Variants in FNDC3A observed in about 807,000 individuals in gnomAD.
The protein encoded by FNDC3A is fibronectin type-III domain-containing protein 3A.
In FNDC3A, 32 loss-of-function variants were observed where a neutral mutation model predicts 148.9. The observed-to-expected ratio is 0.21, with a 90% confidence interval of 0.16 to 0.29. The LOEUF is 0.29. FNDC3A is among the 10% of genes least tolerant of loss of function. The probability of loss-of-function intolerance (pLI) is 1.00; values close to 1 mark genes in which losing one functional copy is unlikely to be tolerated. For synonymous variants in FNDC3A, 472 were observed against 473.6 expected (o/e 1.00, Z 0.04); for missense variants, 1,191 against 1,452.8 (o/e 0.82, Z 2.93).
chr13:49,150,484 G>T (rs147315213), intron 8 of FNDC3A, among the ~76,000 whole-genome samples: 1,789 of 151,972 alleles, frequency 0.012, 17 homozygotes, highest in Non-Finnish European at 0.019. Context: ...TTTGTTCCAA[G>T]AATTTTTTTT....
At chr13:49,049,013 A>G (rs1376515860) in intron 2 of FNDC3A, among the ~76,000 whole-genome samples, 1 of 152,054 alleles carries the variant, frequency 6.6e-6, no homozygotes. Flanking sequence ...TTGCTGTCTT[A>G]ATCATAAAGG....
At chr13:49,109,163 A>C (rs1009594299) in intron 3 of FNDC3A, among the ~76,000 whole-genome samples, 1 of 152,238 alleles carries the variant, frequency 6.6e-6, no homozygotes, top group Non-Finnish European at 1.5e-5. Context: ...AAAACACTCC[A>C]AATGATGCCT....
At chr13:49,130,856 C>T (rs971368177) in intron 4 of FNDC3A, among the ~76,000 whole-genome samples, 1 of 152,142 alleles carries the variant, frequency 6.6e-6, no homozygotes, top group Non-Finnish European at 1.5e-5. Flanking sequence ...GCAACCTCCA[C>T]CTCCCAGGTT....
At chr13:49,161,749 T>G (rs529834142) in intron 8 of FNDC3A, among the ~76,000 whole-genome samples, 1 of 152,328 alleles carries the variant, frequency 6.6e-6, no homozygotes, top group South Asian at 2.1e-4. Context: ...GTACTGATGG[T>G]TCCTTTCCAT....
At chr13:48,984,401 G>T (rs1045569388) in intron 1 of FNDC3A, among the ~76,000 whole-genome samples, 1 of 152,062 alleles carries the variant, frequency 6.6e-6, no homozygotes, top group Non-Finnish European at 1.5e-5. Context: ...TAATAAATGG[G>T]ACCCATCAAA....
intron 8 of FNDC3A, among the ~76,000 whole-genome samples, chr13:49,159,272 T>G (rs1883932151): frequency 6.6e-6 from 1 of 152,254 alleles, no homozygotes; most frequent in Non-Finnish European, 1.5e-5. Flanking sequence ...TTCTTCCATT[T>G]GTTTGTGTCC....
intron 8 of FNDC3A, among the ~76,000 whole-genome samples, chr13:49,165,359 G>T (rs901611847): frequency 2.6e-5 from 4 of 152,194 alleles, no homozygotes; most frequent in African/African-American, 9.7e-5. Context: ...CATCTATTGT[G>T]TTGGTTGGGT....
intron 3 of FNDC3A, among the ~76,000 whole-genome samples, chr13:49,077,548 T>C (rs917772869): frequency 2.0e-5 from 3 of 152,194 alleles, no homozygotes; most frequent in Non-Finnish European, 2.9e-5. Flanking sequence ...TTAAACCTTA[T>C]ATATCTGAGA....
intron 7 of FNDC3A, among the ~76,000 whole-genome samples, chr13:49,141,080 G>A (rs1882665679): frequency 6.6e-6 from 1 of 152,120 alleles, no homozygotes; most frequent in South Asian, 2.1e-4. Flanking sequence ...AGTGTATAGG[G>A]GAGAATGTGG....
chr13:49,040,628 T>TA (rs1488077723), intron 2 of FNDC3A, among the ~76,000 whole-genome samples: 2 of 152,236 alleles, frequency 1.3e-5, no homozygotes, highest in East Asian at 1.9e-4. Context: ...AGTGCAAACT[T>TA]AAGAGTATGG....
At chr13:48,977,543 C>T (rs1343128186) in intron 1 of FNDC3A, among the ~76,000 whole-genome samples, 1 of 152,162 alleles carries the variant, frequency 6.6e-6, no homozygotes, top group African/African-American at 2.4e-5. Context: ...GTTGAATCCC[C>T]TGTCTTTTGG....
intron 3 of FNDC3A, among the ~76,000 whole-genome samples, chr13:49,086,324 T>C (rs1436301514): frequency 6.6e-6 from 1 of 152,206 alleles, no homozygotes; most frequent in African/African-American, 2.4e-5. Flanking sequence ...GCTATTAATT[T>C]ATAGCCGTAG....
chr13:49,109,468 A>G (rs1412554763), intron 3 of FNDC3A, among the ~76,000 whole-genome samples: 1 of 152,200 alleles, frequency 6.6e-6, no homozygotes, highest in Non-Finnish European at 1.5e-5. Flanking sequence ...AACCACTGTC[A>G]TTATCATTAC....
intron 14 of FNDC3A, among the ~76,000 whole-genome samples, chr13:49,182,085 G>GGAA (rs1262324787): frequency 6.6e-6 from 1 of 152,136 alleles, no homozygotes; most frequent in Non-Finnish European, 1.5e-5. Context: ...GAGCTCAAGG[G>GGAA]TTCCTTCCAC....
chr13:49,020,341 A>T (rs1451086360), intron 2 of FNDC3A, among the ~76,000 whole-genome samples: 1 of 152,222 alleles, frequency 6.6e-6, no homozygotes, highest in Non-Finnish European at 1.5e-5. Flanking sequence ...CAAAACTAAG[A>T]GAGGGGATAA....
intron 3 of FNDC3A, among the ~76,000 whole-genome samples, chr13:49,113,149 A>C (rs1880687163): frequency 1.6e-5 from 2 of 126,280 alleles, no homozygotes; most frequent in Admixed American, 9.4e-5. Flanking sequence ...TCTTCTCTTC[A>C]CTCTCCTTTA....
intron 2 of FNDC3A, among the ~76,000 whole-genome samples, chr13:49,053,993 T>G (rs769740519): frequency 2.6e-4 from 39 of 152,136 alleles, no homozygotes; most frequent in Admixed American, 1.2e-3. Flanking sequence ...AGGTTGGAGT[T>G]TGGTATCTTG....
chr13:49,011,639 A>G (rs1449062952), intron 2 of FNDC3A, among the ~76,000 whole-genome samples: 1 of 152,116 alleles, frequency 6.6e-6, no homozygotes, highest in Non-Finnish European at 1.5e-5. Context: ...CTACAAAAAA[A>G]TTTAAAATTT....
In FNDC3A at chr13:49,174,566, T is replaced by TG; in HGVS notation, c.1355+8dup. 6.3e-7 allele frequency: 1 copy of TG among 1,598,096 alleles called. No individual in the cohort carries two copies. Among genetic ancestry groups the TG allele is most frequent in the Non-Finnish European group, 8.5e-7 (1 of 1,172,056 alleles). ...GAAATGACTATGGTACAAGGTAAGGTGTACTTTATAAAAGAATGTAAATAT... is the reference window on the plus strand; with the variant it reads ...GAAATGACTATGGTACAAGGTAAGGTGGTACTTTATAAAAGAATGTAAATAT... On this transcript the variant is annotated splice_region_variant and intron_variant, in intron 12 of 25. Coordinates refer to ENST00000492622, the MANE Select transcript of FNDC3A (RefSeq NM_001079673.2).
Sources: gnomAD v4.1 joint callset for allele counts (sites outside exome capture counted in the v4.1 genomes callset) on GRCh38, gnomAD v4.1.1 for gene constraint, MANE v1.5 for transcripts, NCBI Gene and HGNC (gene_info 2026-07-23, HGNC 2026-07-21) for gene names.